SARDH: variants seen among roughly 807,000 people sequenced by gnomAD.
SARDH encodes sarcosine dehydrogenase.
Under a neutral mutation model 109.1 loss-of-function variants are expected in SARDH, and 95 were observed. The observed-to-expected ratio is 0.87, with a 90% CI of 0.74 to 1.03. The LOEUF (loss-of-function observed/expected upper bound fraction) is 1.03. Among genes scored for constraint, SARDH ranks in the 50% least tolerant of loss-of-function variants. The probability of loss-of-function intolerance (pLI) is 0.00; values close to 1 mark genes in which losing one functional copy is unlikely to be tolerated. For synonymous variants in SARDH, 572 were observed against 534.8 expected (o/e 1.07, Z -0.96); for missense variants, 1,267 against 1,287.8 (o/e 0.98, Z 0.25).
chr9:133,677,183 C>T (rs1830545433), intron 17 of SARDH, among the ~76,000 whole-genome samples: 1 of 152,142 alleles, frequency 6.6e-6, no homozygotes, highest in South Asian at 2.1e-4. Flanking sequence ...TGAAACCACC[C>T]CTTGGCGTGG....
Position 133,731,387 on chromosome 9 carries a change from A to G in SARDH, c.608T>C (p.Leu203Pro), listed in dbSNP as rs1162805454. Reference protein sequence around the residue: ...LMNVDDLYGTLYVPHDGTMDP... With the variant: ...LMNVDDLYGTPYVPHDGTMDP... ...CATGGTACCGTCGTGCGGCACATAC[A>G]GGGTCCCGTAGAGGTCGTCCACATT... is the stretch of plus-strand genomic sequence containing the variant. Residue 203 changes from leucine to proline, a missense_variant, in exon 4 of 21, where the codon CTG (leucine) becomes CCG (proline). Transcript: ENST00000439388. The G allele has an allele frequency of 6.8e-6, 11 of 1,614,172 alleles. No homozygotes were observed. The highest frequency in any genetic ancestry group is 6.7e-5 in the East Asian group (3 of 44,870).
At chr9:133,735,038 CCAGA>C (rs987718366) in intron 1 of SARDH, among the ~76,000 whole-genome samples, 1 of 152,084 alleles carries the variant, frequency 6.6e-6, no homozygotes, top group African/African-American at 2.4e-5. Flanking sequence ...ACTTGCGCTC[CCAGA>C]CAGAGAGCCA....
chr9:133,733,741 A>C lies in SARDH; in HGVS notation c.331+102T>G, dbSNP rs367631504. 24 of 1,175,466 alleles carry C rather than the reference A, an allele frequency of 2.0e-5. No individual in the cohort carries two copies. In the South Asian group the frequency reaches 4.8e-4, roughly 23 times the overall value. The allele number at this position is 1,175,466 out of a possible 1,614,324, so 72.8% of individuals were successfully genotyped here. A position where few individuals can be genotyped will look rare whatever the true frequency, so the allele number is the denominator to read the frequency against. ...CACCCTTCCCCAGGGTCTCTTCCCCAGGCTGGTTGTTGTGAACCAAGAACT... is the reference window on the plus strand; with the variant it reads ...CACCCTTCCCCAGGGTCTCTTCCCCCGGCTGGTTGTTGTGAACCAAGAACT... On this transcript the variant is annotated intron_variant, in intron 2 of 20. Coordinates refer to ENST00000439388, the MANE Select transcript of SARDH (RefSeq NM_001134707.2).
Position 133,712,793 on chromosome 9 carries a change from A to G in SARDH, c.1238-84T>C. Reference sequence around the variant, plus strand: ...CAAACATGTGCCCCCATCTCCACGGACAGCACAGACACTCCAAGCTCTGCT... The same window carrying G: ...CAAACATGTGCCCCCATCTCCACGGGCAGCACAGACACTCCAAGCTCTGCT... On this transcript the variant is annotated intron_variant, in intron 9 of 20. Transcript: ENST00000439388. This position sits in a 1 kb window ranked among gnomAD's most constrained non-coding sequence, Gnocchi z 4.1. The G allele has an allele frequency of 7.7e-7, 1 of 1,290,726 alleles. No individual in the cohort carries two copies. Among genetic ancestry groups the G allele is most frequent in the Non-Finnish European group, 1.1e-6 (1 of 913,996 alleles). 80.0% of individuals were successfully genotyped at this position (1,290,726 alleles called of 1,614,324 possible). A position where few individuals can be genotyped will look rare whatever the true frequency, so the allele number is the denominator to read the frequency against.
In SARDH at chr9:133,734,102, C is replaced by T. The variant is rs1176230005; in HGVS notation, c.72G>A (p.Gly24=). 1.2e-6 allele frequency: 2 copies of T among 1,612,448 alleles called. No homozygotes were observed. Among genetic ancestry groups the T allele is most frequent in the Admixed American group, 1.7e-5 (1 of 59,960 alleles). The part of the protein sequence containing the change: ...HPRQSPTRGM[G]PCNLSSAAGP... The stretch of plus-strand genomic sequence containing the variant: ...CAGCTGCGCTGGACAGGTTGCATGG[C>T]CCCATGCCCCGGGTAGGGCTCTGGC... Residue 24 remains glycine, a synonymous_variant, in exon 2 of 21, where the codon GGG becomes GGA. Transcript: ENST00000439388.
intron 17 of SARDH, among the ~76,000 whole-genome samples, chr9:133,683,855 G>C (rs946604898): frequency 6.6e-6 from 1 of 152,216 alleles, no homozygotes; most frequent in Non-Finnish European, 1.5e-5. Flanking sequence ...CATACAGGAA[G>C]GAGAGACAGG....
intron 20 of SARDH, 23 bp from the exon 21 acceptor site, chr9:133,664,037 G>T: frequency 6.2e-7 from 1 of 1,613,126 alleles, no homozygotes; most frequent in Non-Finnish European, 8.5e-7. Context: ...GTGGGGATGA[G>T]GATCACTCTC....
chr9:133,734,588 C>T (rs1832819222), intron 1 of SARDH, among the ~76,000 whole-genome samples: 1 of 152,166 alleles, frequency 6.6e-6, no homozygotes, highest in South Asian at 2.1e-4. Context: ...ACAGGGAGCG[C>T]CAAGCTCTGG....
chr9:133,726,368 A>AATAATAATAATAATAATAATAAT (rs1832489685), intron 6 of SARDH, among the ~76,000 whole-genome samples: 1 of 114,144 alleles, frequency 8.8e-6, no homozygotes, highest in Admixed American at 9.3e-5. Flanking sequence ...ACCCTGTCTC[A>AATAATAATAATAATAATAATAAT]AATAATAATA....
intron 17 of SARDH, among the ~76,000 whole-genome samples, chr9:133,684,470 C>T (rs1337131499): frequency 6.6e-6 from 1 of 152,176 alleles, no homozygotes; most frequent in African/African-American, 2.4e-5. Flanking sequence ...ATCTCAGCCT[C>T]GAGAAGTCAA....
chr9:133,685,123 G>A, intron 17 of SARDH, 70 bp downstream of exon 17: 2 of 1,325,962 alleles, frequency 1.5e-6, no homozygotes, highest in Non-Finnish European at 2.1e-6. Context: ...CCAGCCCCCA[G>A]ATCCCCCGGC....
upstream of SARDH, chr9:133,738,365 C>G (rs988305358): frequency 5.3e-5 from 8 of 151,654 alleles, no homozygotes; most frequent in African/African-American, 1.9e-4. Flanking sequence ...GCCTCCCCCG[C>G]CCCCCACCCT....
At chr9:133,732,940 G>C (rs956212059) in intron 2 of SARDH, among the ~76,000 whole-genome samples, 8 of 152,218 alleles carry the variant, frequency 5.3e-5, no homozygotes, top group Non-Finnish European at 8.8e-5. Flanking sequence ...GGCACCAACA[G>C]TTCTGTGGCC....
rs138996190 is a variant in SARDH at position 133,719,013 on chromosome 9, G to A, written c.945C>T (p.Ala315=). 244 of 1,614,090 alleles carry A rather than the reference G, an allele frequency of 1.5e-4. No individual in the cohort carries two copies. Among genetic ancestry groups the A allele is most frequent in the Non-Finnish European group, 2.0e-4 (235 of 1,180,042 alleles). ...QNMPNVRDHD[A]SVYLRLQGDA... ...CCCCTTGGAGGCGGAGGTAGACAGAGGCATCATGATCACGGACATTGGGCA... is the reference window on the plus strand; with the variant it reads ...CCCCTTGGAGGCGGAGGTAGACAGAAGCATCATGATCACGGACATTGGGCA... Residue 315 remains alanine, a synonymous_variant, in exon 7 of 21, where the codon GCC becomes GCT. Transcript: ENST00000439388.
At chr9:133,734,280 G>C in intron 1 of SARDH, 77 bp from the exon 2 acceptor site, 1 of 1,027,922 alleles carries the variant, frequency 9.7e-7, no homozygotes, top group Non-Finnish European at 1.3e-6. Context: ...GGGAAATAAG[G>C]GCCCTATGGT....
chr9:133,734,472 T>TTCACTCATTCACTCATTCACTCATTCAC (rs1832815144), intron 1 of SARDH, among the ~76,000 whole-genome samples: 1 of 151,018 alleles, frequency 6.6e-6, no homozygotes, highest in African/African-American at 2.5e-5. Context: ...CATTCATTCA[T>TTCACTCATTCACTCATTCACTCATTCAC]TCATTCATTC....
At chr9:133,696,393 G>C (rs367657845) in intron 13 of SARDH, 32 bp from the exon 14 acceptor site, 2 of 1,613,206 alleles carry the variant, frequency 1.2e-6, no homozygotes, top group African/African-American at 1.3e-5. Flanking sequence ...GGAATGCCAC[G>C]GGGGCCTTTG....
At chr9:133,724,185 GA>G (rs763304652) in intron 6 of SARDH, among the ~76,000 whole-genome samples, 2 of 151,826 alleles carry the variant, frequency 1.3e-5, no homozygotes, top group African/African-American at 4.8e-5. Flanking sequence ...GATTCTGGGG[GA>G]AAAAAAGAAA....
chr9:133,710,833 C>T (rs562388733), intron 10 of SARDH, among the ~76,000 whole-genome samples: 76 of 152,376 alleles, frequency 5.0e-4, no homozygotes, highest in Middle Eastern at 3.4e-3. Flanking sequence ...GGAAGCCCCA[C>T]GTCAGTGACG....
Sources: gnomAD v4.1 joint callset for allele counts (sites outside exome capture counted in the v4.1 genomes callset) on GRCh38, gnomAD v4.1.1 for gene constraint, Gnocchi (gnomAD v3.1) non-coding constraint, MANE v1.5 for transcripts, NCBI Gene and HGNC (gene_info 2026-07-23, HGNC 2026-07-21) for gene names.